The following OCLN variants were observed in gnomAD, a reference collection of about 807,000 sequenced individuals.
OCLN encodes the protein phosphatase 1, regulatory subunit 115.
A neutral mutation model predicts 47.9 loss-of-function variants in OCLN; 21 were observed. The observed-to-expected ratio is 0.44, with a 90% confidence interval of 0.31 to 0.63. The LOEUF is 0.63. Ranked by LOEUF, OCLN falls within the 30% of genes least tolerant of loss-of-function variation. The pLI, the probability that OCLN is intolerant of heterozygous loss-of-function variation, is 0.08. For synonymous variants in OCLN, 117 were observed against 198.4 expected, an observed-to-expected ratio of 0.59 and a Z score of 3.45; for missense variants, 360 against 571.0, an observed-to-expected ratio of 0.63 and a Z score of 3.77.
At chr5:69,525,996 T>C (rs1769268683) in intron 4 of OCLN, among the ~76,000 whole-genome samples, 1 of 152,158 alleles carries the variant, frequency 6.6e-6, no homozygotes, top group South Asian at 2.1e-4. Flanking sequence ...CACTGTCAGG[T>C]TTGAGCATCA....
In OCLN at chr5:69,521,913, G is replaced by T. The variant is rs191032594; in HGVS notation, c.891+7804G>T. Among the ~76,000 whole-genome samples, 73 of 152,270 alleles carry T rather than the reference G, an allele frequency of 4.8e-4. No homozygotes were observed. The East Asian group carries it at 8.1e-3, about 17-fold the overall frequency. On this transcript the variant is annotated intron_variant, in intron 4 of 8. Coordinates refer to ENST00000396442, the MANE Select transcript of OCLN (RefSeq NM_001205254.2). ...GTGATTGTTCGTTCTTTCCTGACTA[G>T]AGTTTTTTATATTATGGATATTAAT...
At chr5:69,502,749 G>T (rs1451557413) in intron 1 of OCLN, among the ~76,000 whole-genome samples, 1 of 152,150 alleles carries the variant, frequency 6.6e-6, no homozygotes, top group African/African-American at 2.4e-5. Context: ...AGGTTAGGGG[G>T]TTGTGTGTTT....
chr5:69,528,708 A>G (rs1336965404), intron 4 of OCLN, among the ~76,000 whole-genome samples: 1 of 152,214 alleles, frequency 6.6e-6, no homozygotes, highest in Non-Finnish European at 1.5e-5. Flanking sequence ...ATTTAACTGT[A>G]GAAACTCAAT....
At chr5:69,497,352 C>T (rs1277491009) in intron 1 of OCLN, among the ~76,000 whole-genome samples, 1 of 150,556 alleles carries the variant, frequency 6.6e-6, no homozygotes, top group Non-Finnish European at 1.5e-5. Flanking sequence ...TCCTGTTTTT[C>T]CAATCATTTG....
chr5:69,509,881 T>A, intron 3 of OCLN, 62 bp downstream of exon 3: 1 of 1,201,364 alleles, frequency 8.3e-7, no homozygotes. Context: ...ACTTGAGATA[T>A]GTGATAGAAT....
At chr5:69,498,087 C>G (rs899446969) in intron 1 of OCLN, among the ~76,000 whole-genome samples, 3 of 151,130 alleles carry the variant, frequency 2.0e-5, no homozygotes, top group East Asian at 3.9e-4. Flanking sequence ...AGCCGAGATC[C>G]CGCCACTGCA....
chr5:69,538,313 GTTTTGT>G (rs1182357071), intron 5 of OCLN, among the ~76,000 whole-genome samples: 1 of 151,276 alleles, frequency 6.6e-6, no homozygotes, highest in Non-Finnish European at 1.5e-5. Context: ...TTTTTTGTTT[GTTTTGT>G]TTTTGAGACG....
At chr5:69,503,745 A>G (rs1486951857) in intron 1 of OCLN, among the ~76,000 whole-genome samples, 1 of 152,170 alleles carries the variant, frequency 6.6e-6, no homozygotes, top group Non-Finnish European at 1.5e-5. Flanking sequence ...AAAAATATCT[A>G]CAATTCCACC....
intron 1 of OCLN, among the ~76,000 whole-genome samples, chr5:69,494,052 C>T (rs1768221970): frequency 6.6e-6 from 1 of 152,144 alleles, no homozygotes; most frequent in African/African-American, 2.4e-5. Flanking sequence ...TATTGGGATA[C>T]CTGGAAAAGA....
At chr5:69,521,637 G>GA (rs973701584) in intron 4 of OCLN, among the ~76,000 whole-genome samples, 1 of 151,846 alleles carries the variant, frequency 6.6e-6, no homozygotes, top group African/African-American at 2.4e-5. Context: ...CCTATCTCTT[G>GA]AAAAAAAGCA....
chr5:69,498,821 A>G (rs1029875958), intron 1 of OCLN, among the ~76,000 whole-genome samples: 1 of 152,018 alleles, frequency 6.6e-6, no homozygotes, highest in Non-Finnish European at 1.5e-5. Context: ...CTGGGATTAC[A>G]GGCACCCGGC....
intron 5 of OCLN, among the ~76,000 whole-genome samples, chr5:69,536,173 A>G (rs1377858225): frequency 6.6e-6 from 1 of 152,152 alleles, no homozygotes; most frequent in African/African-American, 2.4e-5. Context: ...CTTACCATGA[A>G]TGAAGCTTGT....
At chr5:69,511,888 G>A (rs1339147111) in intron 3 of OCLN, among the ~76,000 whole-genome samples, 1 of 151,936 alleles carries the variant, frequency 6.6e-6, no homozygotes, top group African/African-American at 2.4e-5. Context: ...ACCTGGACAC[G>A]GTGGCGTGCC....
rs1020370479 is a variant in OCLN, at chr5:69,493,265, G to C, written c.-69+365G>C. 1.3e-5 allele frequency among the ~76,000 whole-genome samples: 2 copies of C among 152,012 alleles called. No homozygotes were observed. Among genetic ancestry groups the C allele is most frequent in the Non-Finnish European group, 2.9e-5 (2 of 67,974 alleles). The stretch of plus-strand genomic sequence containing the variant: ...TGCATCCGCTCTGGGGCTGCAGTTT[G>C]GGGGGGCGGCCTTCATGGAGAGGGA... On this transcript the variant is annotated intron_variant, in intron 1 of 8. Transcript: ENST00000396442. This position sits in a 1 kb window ranked among gnomAD's most constrained non-coding sequence, Gnocchi z 5.3.
chr5:69,500,385 C>T (rs1021882467), intron 1 of OCLN, among the ~76,000 whole-genome samples: 2 of 148,034 alleles, frequency 1.4e-5, no homozygotes, highest in Admixed American at 7.0e-5. Context: ...ATGACTTGTT[C>T]TTAACGAGCT....
chr5:69,494,589 T>A (rs946373347), intron 1 of OCLN, among the ~76,000 whole-genome samples: 2 of 152,210 alleles, frequency 1.3e-5, no homozygotes, highest in Middle Eastern at 3.2e-3. Context: ...TTTGGTCGTT[T>A]TGCAATTTAT....
At chr5:69,509,027 C>T in intron 2 of OCLN, 114 bp from the exon 3 acceptor site, 1 of 920,246 alleles carries the variant, frequency 1.1e-6, no homozygotes, top group South Asian at 1.4e-5. Flanking sequence ...TTCCTGTGCA[C>T]AGATAAGCTT....
intron 5 of OCLN, among the ~76,000 whole-genome samples, chr5:69,536,150 A>G (rs1472538865): frequency 1.3e-5 from 2 of 152,070 alleles, no homozygotes; most frequent in African/African-American, 2.4e-5. Flanking sequence ...TAAATGGTAC[A>G]TCTTGTAAGG....
intron 4 of OCLN, among the ~76,000 whole-genome samples, chr5:69,521,090 GC>G (rs1185857428): frequency 6.6e-6 from 1 of 152,140 alleles, no homozygotes; most frequent in African/African-American, 2.4e-5. Context: ...ACCCGCGTCG[GC>G]CTCCCAAAGT....
Sources: gnomAD v4.1 joint callset for allele counts (sites outside exome capture counted in the v4.1 genomes callset) on GRCh38, gnomAD v4.1.1 for gene constraint, Gnocchi (gnomAD v3.1) non-coding constraint, MANE v1.5 for transcripts, NCBI Gene and HGNC (gene_info 2026-07-23, HGNC 2026-07-21) for gene names.